HMGB1: variants seen among roughly 807,000 people sequenced by gnomAD.
HMGB1 encodes high mobility group box 1.
For missense variants in HMGB1, 79 were observed against 253.5 expected (o/e 0.31, Z 4.67); for synonymous variants, 81 against 84.0 (o/e 0.96, Z 0.19).
chr13:30,464,581 G>GCGCCGC (rs528581631), intron 1 of HMGB1: 3 of 984,046 alleles, frequency 3.0e-6, no homozygotes, highest in Non-Finnish European at 3.6e-6. Flanking sequence ...CTGCAGGCCC[G>GCGCCGC]CGCCGCCGCC....
At chr13:30,494,014 A>AG (rs142106580) in intron 1 of HMGB1, among the ~76,000 whole-genome samples, 6 of 151,746 alleles carry the variant, frequency 4.0e-5, no homozygotes, top group African/African-American at 1.5e-4. Context: ...AAAAAAAAAA[A>AG]CTCTTTCAAT....
chr13:30,467,015 A>G (rs1209611227), upstream of HMGB1, among the ~76,000 whole-genome samples: 2 of 152,246 alleles, frequency 1.3e-5, no homozygotes, highest in African/African-American at 4.8e-5. Flanking sequence ...CAGAGAGTGC[A>G]TGTGCCCAAA....
intron 1 of HMGB1, among the ~76,000 whole-genome samples, chr13:30,475,245 T>C (rs1593264963): frequency 1.6e-5 from 2 of 128,494 alleles, no homozygotes; most frequent in South Asian, 5.0e-4. Context: ...TTTTTTGAGA[T>C]AGGGTCTCAC....
chr13:30,492,181 A>C (rs1432204469), intron 1 of HMGB1, among the ~76,000 whole-genome samples: 1 of 151,830 alleles, frequency 6.6e-6, no homozygotes, highest in African/African-American at 2.4e-5. Flanking sequence ...AAAAAAAAGA[A>C]AGAAAGATAT....
intron 1 of HMGB1, among the ~76,000 whole-genome samples, chr13:30,594,852 C>T (rs930539875): frequency 2.6e-5 from 4 of 152,170 alleles, no homozygotes; most frequent in Non-Finnish European, 5.9e-5. Context: ...TCCCTTTTCT[C>T]CACGGCCTCG....
intron 1 of HMGB1, among the ~76,000 whole-genome samples, chr13:30,562,007 AAG>A (rs1869973841): frequency 1.3e-5 from 2 of 152,104 alleles, no homozygotes. Flanking sequence ...AGTCAGAGAA[AAG>A]AGTGTCTTAT....
chr13:30,552,922 G>C (rs1056345401), intron 1 of HMGB1, among the ~76,000 whole-genome samples: 1 of 152,174 alleles, frequency 6.6e-6, no homozygotes, highest in Non-Finnish European at 1.5e-5. Context: ...TCTGCCCCTA[G>C]TTTCTGGCCC....
chr13:30,491,197 T>G (rs983875025), intron 1 of HMGB1, among the ~76,000 whole-genome samples: 1 of 151,956 alleles, frequency 6.6e-6, no homozygotes, highest in Non-Finnish European at 1.5e-5. Context: ...CCTGGCTAAT[T>G]TTTTGTATTT....
intron 1 of HMGB1, among the ~76,000 whole-genome samples, chr13:30,488,505 A>G (rs1035994551): frequency 7.4e-6 from 1 of 134,314 alleles, no homozygotes; most frequent in East Asian, 2.2e-4. Context: ...TCTGTTTGAG[A>G]CAGGGTCTCT....
At chr13:30,472,876 G>A (rs1264255541) in intron 1 of HMGB1, among the ~76,000 whole-genome samples, 1 of 147,304 alleles carries the variant, frequency 6.8e-6, no homozygotes, top group Non-Finnish European at 1.5e-5. Context: ...TTTTAGGGCA[G>A]TGAAAATAAA....
At chr13:30,574,532 A>G (rs1239301063) in intron 1 of HMGB1, among the ~76,000 whole-genome samples, 1 of 152,214 alleles carries the variant, frequency 6.6e-6, no homozygotes, top group Non-Finnish European at 1.5e-5. Context: ...GAATGCATTC[A>G]TTTATCAACT....
At chr13:30,564,472 A>AAAACAAAC (rs528876932) in intron 1 of HMGB1, among the ~76,000 whole-genome samples, 6 of 152,134 alleles carry the variant, frequency 3.9e-5, no homozygotes, top group African/African-American at 1.4e-4. Context: ...TCAGTCTCAA[A>AAAACAAAC]AAACAAACAA....
chr13:30,586,471 T>G (rs17074762), intron 1 of HMGB1, among the ~76,000 whole-genome samples: 1,630 of 90,260 alleles, frequency 0.018, 40 homozygotes, highest in African/African-American at 0.094. Flanking sequence ...AAATCACTGG[T>G]TTTTTTTGTT....
At chr13:30,475,439 C>T (rs1887072503) in intron 1 of HMGB1, among the ~76,000 whole-genome samples, 1 of 151,122 alleles carries the variant, frequency 6.6e-6, no homozygotes, top group South Asian at 2.1e-4. Context: ...TCTTGAACTC[C>T]TGGGCTCAAG....
chr13:30,505,022 G>A (rs1887819472), intron 1 of HMGB1, among the ~76,000 whole-genome samples: 1 of 151,994 alleles, frequency 6.6e-6, no homozygotes, highest in Non-Finnish European at 1.5e-5. Flanking sequence ...CCAGGCTGGA[G>A]TGCAGTGGTG....
upstream of HMGB1, among the ~76,000 whole-genome samples, chr13:30,467,760 C>T (rs74046037): frequency 7.9e-3 from 1,195 of 152,214 alleles, 12 homozygotes; most frequent in African/African-American, 0.027. Context: ...TCAGTGGCAT[C>T]GATGATATTA....
chr13:30,564,200 C>T (rs1307251571), intron 1 of HMGB1, among the ~76,000 whole-genome samples: 4 of 146,890 alleles, frequency 2.7e-5, no homozygotes, highest in East Asian at 2.0e-4. Flanking sequence ...TGGGAGGCCG[C>T]GGTGAGCGGA....
At chr13:30,503,661 T>C (rs1340987462) in intron 1 of HMGB1, among the ~76,000 whole-genome samples, 3 of 149,774 alleles carry the variant, frequency 2.0e-5, no homozygotes, top group Non-Finnish European at 4.4e-5. Context: ...TTTTTTTTTT[T>C]TTTTTTTTTG....
intron 1 of HMGB1, among the ~76,000 whole-genome samples, chr13:30,528,930 G>A (rs1040760871): frequency 2.0e-5 from 3 of 150,248 alleles, no homozygotes; most frequent in African/African-American, 7.3e-5. Flanking sequence ...TTGGTAGGCT[G>A]AGGCAGGAGA....
Sources: allele counts gnomAD v4.1 joint callset (sites outside exome capture counted in the v4.1 genomes callset), GRCh38; gene constraint gnomAD v4.1.1; transcripts MANE v1.5; gene names NCBI Gene and HGNC (gene_info 2026-07-23, HGNC 2026-07-21).